The following PKD1L1 variants were observed in gnomAD, a reference collection of about 807,000 sequenced individuals.
PKD1L1 encodes the protein polycystin-1-like protein 1.
In PKD1L1, 236 loss-of-function variants were observed where a neutral mutation model predicts 323.4. The observed-to-expected ratio is 0.73, with a 90% CI of 0.66 to 0.81. The LOEUF is 0.81. Ranked by LOEUF, PKD1L1 falls within the 40% of genes least tolerant of loss-of-function variation. PKD1L1 has a pLI of 0.00. For missense variants in PKD1L1, 3,320 were observed against 3,508.0 expected (o/e 0.95, Z 1.35); for synonymous variants, 1,344 against 1,335.0 (o/e 1.01, Z -0.15).
At chr7:47,953,080 C>T (rs538455257), upstream of PKD1L1, among the ~76,000 whole-genome samples, 2 of 152,224 alleles carry the variant, frequency 1.3e-5, no homozygotes, top group South Asian at 2.1e-4. Context: ...TGAAGGAATG[C>T]GATGATCACA....
Position 47,929,431 on chromosome 7 carries a change from GGAGGATGCT to G in PKD1L1, c.824_832del (p.Gln275_Pro277del). ...AGAATTTCGAGCTAGGATGGCCACAGGAGGATGCTGAGTAGGGGGATAGAGGATCTCAGA... is the reference window on the plus strand; with the variant it reads ...AGAATTTCGAGCTAGGATGGCCACAGGAGTAGGGGGATAGAGGATCTCAGA... On this transcript the variant is annotated inframe_deletion, in exon 7 of 57. Coordinates refer to ENST00000289672, the MANE Select transcript of PKD1L1 (RefSeq NM_138295.5). The G allele has an allele frequency of 6.2e-7, 1 of 1,614,120 alleles. No homozygotes were observed. Among genetic ancestry groups the G allele is most frequent in the Non-Finnish European group, 8.5e-7 (1 of 1,179,954 alleles).
At chr7:47,893,765 A>G in intron 15 of PKD1L1, 113 bp downstream of exon 15, 1 of 1,132,854 alleles carries the variant, frequency 8.8e-7, no homozygotes, top group South Asian at 1.6e-5. Context: ...ACTTAACGAA[A>G]GTTGATGTGC....
the PKD1L1 span, among the ~76,000 whole-genome samples, chr7:47,959,518 C>G: frequency 6.7e-6 from 1 of 148,482 alleles, no homozygotes; most frequent in African/African-American, 2.5e-5. Context: ...GCCGCGACCC[C>G]GTCTGGGAGG....
At chr7:47,947,198 AT>A (rs1235681798) in intron 1 of PKD1L1, among the ~76,000 whole-genome samples, 2 of 152,236 alleles carry the variant, frequency 1.3e-5, no homozygotes, top group Non-Finnish European at 2.9e-5. Flanking sequence ...GTGCAGCCTC[AT>A]TTTCTCATCC....
intron 8 of PKD1L1, among the ~76,000 whole-genome samples, chr7:47,914,886 G>A (rs1447175963): frequency 1.3e-5 from 2 of 152,124 alleles, no homozygotes; most frequent in South Asian, 2.1e-4. Context: ...TCACCATACA[G>A]GAGGGACACA....
chr7:47,927,563 C>G (rs116931428), intron 7 of PKD1L1, among the ~76,000 whole-genome samples: 2,102 of 152,154 alleles, frequency 0.014, 26 homozygotes, highest in East Asian at 0.074. Context: ...CACATCCAGC[C>G]GACAAATTTT....
chr7:47,816,416 C>A (rs931519344), intron 46 of PKD1L1, among the ~76,000 whole-genome samples: 35 of 152,188 alleles, frequency 2.3e-4, no homozygotes, highest in Non-Finnish European at 3.8e-4. Context: ...CTGTGCATGG[C>A]AGCAGCAGGG....
the PKD1L1 span, among the ~76,000 whole-genome samples, chr7:47,960,609 T>A: frequency 2.7e-5 from 4 of 150,886 alleles, no homozygotes; most frequent in African/African-American, 9.7e-5. Context: ...TGTGTGACGG[T>A]AGATTATTTC....
Position 47,931,190 on chromosome 7 carries a change from G to A in PKD1L1, c.651C>T (p.Thr217=). 1 of 1,614,202 alleles carries A rather than the reference G, an allele frequency of 6.2e-7. No homozygotes were observed. Among genetic ancestry groups the A allele is most frequent in the African/African-American group, 1.3e-5 (1 of 75,046 alleles). Reference sequence around the variant, plus strand: ...GAGTGGGTCTGGCCACCTTGGTGGGGGTCTCCATCGTGACAGTCCCAGGAA... The same window carrying A: ...GAGTGGGTCTGGCCACCTTGGTGGGAGTCTCCATCGTGACAGTCCCAGGAA... ...GLLPGTVTME[T]PTKVARPTQT... Residue 217 remains threonine (T), a synonymous_variant, in exon 6 of 57, where the codon ACC becomes ACT. Transcript: ENST00000289672.
upstream of PKD1L1, among the ~76,000 whole-genome samples, chr7:47,952,480 T>G (rs954613701): frequency 6.6e-6 from 1 of 152,168 alleles, no homozygotes; most frequent in African/African-American, 2.4e-5. Flanking sequence ...CTTCCCTGCC[T>G]CCATTAGCAT....
chr7:47,824,655 G>A (rs1249704412), intron 45 of PKD1L1, among the ~76,000 whole-genome samples: 2 of 152,148 alleles, frequency 1.3e-5, no homozygotes, highest in Non-Finnish European at 2.9e-5. Context: ...TATTTAGGGT[G>A]AGCGGATCTA....
chr7:47,848,154 T>C (rs1785703766), intron 31 of PKD1L1, among the ~76,000 whole-genome samples: 1 of 152,082 alleles, frequency 6.6e-6, no homozygotes, highest in South Asian at 2.1e-4. Flanking sequence ...GAGGTAAACG[T>C]GACAATACTT....
At chr7:47,852,531 C>A (rs557589683) in intron 31 of PKD1L1, among the ~76,000 whole-genome samples, 1 of 152,154 alleles carries the variant, frequency 6.6e-6, no homozygotes, top group Non-Finnish European at 1.5e-5. Flanking sequence ...CAGTGTAAGG[C>A]GCGTGTCTGG....
At chr7:47,836,089 C>T (rs1052694479) in intron 37 of PKD1L1, among the ~76,000 whole-genome samples, 6 of 152,184 alleles carry the variant, frequency 3.9e-5, no homozygotes, top group African/African-American at 9.7e-5. Flanking sequence ...TCCAGGTGGA[C>T]GGAGCTGTTC....
At chr7:47,910,712 C>T (rs1423928951) in intron 8 of PKD1L1, among the ~76,000 whole-genome samples, 2 of 150,940 alleles carry the variant, frequency 1.3e-5, no homozygotes, top group Admixed American at 1.3e-4. Context: ...GGCTAGAGTG[C>T]AGTGGCATGA....
intron 7 of PKD1L1, among the ~76,000 whole-genome samples, chr7:47,928,399 T>C (rs569190949): frequency 7.9e-5 from 12 of 152,146 alleles, no homozygotes; most frequent in African/African-American, 2.6e-4. Context: ...TGAAACCCCA[T>C]GTCTACTAAA....
At chr7:47,949,301 G>A (rs575346732), upstream of PKD1L1, among the ~76,000 whole-genome samples, 21 of 147,058 alleles carry the variant, frequency 1.4e-4, no homozygotes, top group South Asian at 3.1e-3. Flanking sequence ...ACCGAGAGGC[G>A]GAGGTTGCAG....
Position 47,883,425 on chromosome 7 carries a change from C to G in PKD1L1, c.3265+1173G>C, listed in dbSNP as rs1786608549. Among the ~76,000 whole-genome samples, 3 of 152,324 alleles carry G rather than the reference C, an allele frequency of 2.0e-5. 1 individual carries two copies. In the South Asian group the frequency reaches 6.2e-4, roughly 32 times the overall value. On this transcript the variant is annotated intron_variant, in intron 19 of 56. Transcript: ENST00000289672. Reference sequence around the variant, plus strand: ...AACTAACTGATTCTAAACTATTCATCCAGCCCTGCCTTAGCCTTGCCTTTC... The same window carrying G: ...AACTAACTGATTCTAAACTATTCATGCAGCCCTGCCTTAGCCTTGCCTTTC...
chr7:47,811,668 T>A lies in PKD1L1; in HGVS notation c.7581+149A>T. Reference sequence around the variant, plus strand: ...ATGCCCCAACCCTTAGTGTGATGCTTGCTGCAAGAAGGGGATGTGACAAAG... The same window carrying A: ...ATGCCCCAACCCTTAGTGTGATGCTAGCTGCAAGAAGGGGATGTGACAAAG... On this transcript the variant is annotated intron_variant, in intron 50 of 56. Coordinates refer to ENST00000289672, the MANE Select transcript of PKD1L1 (RefSeq NM_138295.5). 5 of 663,300 alleles carry A rather than the reference T, an allele frequency of 7.5e-6. No individual in the cohort carries two copies. The South Asian group carries it at 9.5e-5, about 13-fold the overall frequency. 41.1% of individuals were successfully genotyped at this position (663,300 alleles called of 1,614,324 possible). A position where few individuals can be genotyped will look rare whatever the true frequency, so the allele number is the denominator to read the frequency against.
Sources: gnomAD v4.1 joint callset for allele counts (sites outside exome capture counted in the v4.1 genomes callset) on GRCh38, gnomAD v4.1.1 for gene constraint, MANE v1.5 for transcripts, NCBI Gene and HGNC (gene_info 2026-07-23, HGNC 2026-07-21) for gene names.